The following CHSY3 variants were observed in gnomAD, a reference collection of about 807,000 sequenced individuals.
CHSY3 encodes N-acetylgalactosaminyl-proteoglycan 3-beta-glucuronosyltransferase 3.
In CHSY3, 35 loss-of-function variants were observed where a neutral mutation model predicts 67.2. The ratio of observed to expected loss-of-function variants is 0.52; its 90% CI spans 0.40 to 0.69. The LOEUF (loss-of-function observed/expected upper bound fraction) is 0.69. CHSY3 is among the 30% of genes least tolerant of loss of function. The pLI, the probability that CHSY3 is intolerant of heterozygous loss-of-function variation, is 0.00. For synonymous variants in CHSY3, 474 were observed against 434.7 expected, an observed-to-expected ratio of 1.09 and a Z score of -1.12; for missense variants, 1,069 against 1,138.5, an observed-to-expected ratio of 0.94 and a Z score of 0.88.
intron 2 of CHSY3, among the ~76,000 whole-genome samples, chr5:130,108,819 G>A (rs1767495409): frequency 6.6e-6 from 1 of 151,636 alleles, no homozygotes; most frequent in South Asian, 2.1e-4. Context: ...TTATCCACAA[G>A]TATTTTATAG....
At chr5:129,985,996 C>A (rs1763189738) in intron 2 of CHSY3, among the ~76,000 whole-genome samples, 1 of 152,032 alleles carries the variant, frequency 6.6e-6, no homozygotes, top group Non-Finnish European at 1.5e-5. Context: ...TTTGACTTCC[C>A]CTCTTCCTAT....
chr5:129,965,464 T>C (rs1762444487), intron 2 of CHSY3, among the ~76,000 whole-genome samples: 1 of 151,946 alleles, frequency 6.6e-6, no homozygotes, highest in Admixed American at 6.6e-5. Context: ...TAAATAAATA[T>C]TGTACATAGT....
intron 2 of CHSY3, among the ~76,000 whole-genome samples, chr5:130,046,139 A>G (rs573444438): frequency 1.4e-4 from 22 of 152,242 alleles, no homozygotes; most frequent in Admixed American, 1.4e-3. Context: ...CGGGGAGGCT[A>G]CTTTATTAAT....
chr5:130,097,286 G>A (rs1293547928), intron 2 of CHSY3, among the ~76,000 whole-genome samples: 1 of 152,172 alleles, frequency 6.6e-6, no homozygotes, highest in Non-Finnish European at 1.5e-5. Flanking sequence ...AATACTATTA[G>A]GCTGACCAGA....
In CHSY3 at chr5:130,086,050, T is replaced by C. The variant is rs1413462637; in HGVS notation, c.1087-98179T>C. Among the ~76,000 whole-genome samples the C allele has an allele frequency of 2.7e-4, 41 of 152,220 alleles. No homozygotes were observed. The East Asian group carries it at 7.7e-3, about 29-fold the overall frequency. ...TCCAACTATGTGGTCAATTTTGGAA[T>C]AGGTGTGGTGTGGTGCTGAAAAAAA... is the stretch of plus-strand genomic sequence containing the variant. On this transcript the variant is annotated intron_variant, in intron 2 of 2. Coordinates refer to ENST00000305031, the MANE Select transcript of CHSY3 (RefSeq NM_175856.5).
At chr5:130,140,525 A>T in intron 2 of CHSY3, 2 of 734,602 alleles carry the variant, frequency 2.7e-6, no homozygotes, top group South Asian at 4.3e-5. Context: ...GTTAGTCTCA[A>T]TGTACTTAGA....
intron 2 of CHSY3, among the ~76,000 whole-genome samples, chr5:129,920,768 A>G (rs1238029465): frequency 1.3e-5 from 2 of 152,142 alleles, no homozygotes; most frequent in Non-Finnish European, 2.9e-5. Flanking sequence ...AATTTCATGG[A>G]TAGAAGTGTC....
intron 2 of CHSY3, among the ~76,000 whole-genome samples, chr5:130,090,212 C>A (rs1468169483): frequency 1.3e-5 from 2 of 152,116 alleles, no homozygotes; most frequent in Non-Finnish European, 2.9e-5. Context: ...TGGAGAGTTA[C>A]AAGAGAGAGA....
chr5:129,930,505 TGGCG>T (rs762311992), intron 2 of CHSY3, among the ~76,000 whole-genome samples: 2 of 75,336 alleles, frequency 2.7e-5, no homozygotes, highest in African/African-American at 5.6e-5. Flanking sequence ...GAGGCATCAC[TGGCG>T]GGGGGGGGGT....
At chr5:130,171,135 C>T (rs913632804) in intron 2 of CHSY3, among the ~76,000 whole-genome samples, 1 of 152,036 alleles carries the variant, frequency 6.6e-6, no homozygotes, top group Non-Finnish European at 1.5e-5. Context: ...ATGTAAAATT[C>T]TACTTGAAAG....
chr5:130,069,493 A>G (rs1765991924), intron 2 of CHSY3, among the ~76,000 whole-genome samples: 1 of 151,954 alleles, frequency 6.6e-6, no homozygotes, highest in Non-Finnish European at 1.5e-5. Flanking sequence ...CTGTTTTAAA[A>G]TATATATATT....
chr5:129,995,517 T>C (rs1298157767), intron 2 of CHSY3, among the ~76,000 whole-genome samples: 9 of 147,796 alleles, frequency 6.1e-5, no homozygotes, highest in African/African-American at 1.3e-4. Flanking sequence ...CTTTTCTTTT[T>C]TTTTTTTCTG....
At chr5:130,155,659 A>G (rs1171541421) in intron 2 of CHSY3, among the ~76,000 whole-genome samples, 2 of 152,202 alleles carry the variant, frequency 1.3e-5, no homozygotes, top group African/African-American at 4.8e-5. Context: ...ACTCAAATAA[A>G]ATGTTTCCAG....
At chr5:129,926,067 A>T (rs1337554224) in intron 2 of CHSY3, among the ~76,000 whole-genome samples, 1 of 152,030 alleles carries the variant, frequency 6.6e-6, no homozygotes, top group African/African-American at 2.4e-5. Context: ...TATGTGATTT[A>T]CCAGCCCTTG....
intron 2 of CHSY3, among the ~76,000 whole-genome samples, chr5:130,079,698 A>G (rs558922882): frequency 1.2e-3 from 181 of 152,264 alleles, no homozygotes; most frequent in South Asian, 4.1e-3. Context: ...TTGTTCTTTT[A>G]TCTGCAACAG....
intron 2 of CHSY3, among the ~76,000 whole-genome samples, chr5:130,087,926 A>G (rs1580721067): frequency 6.6e-6 from 1 of 152,112 alleles, no homozygotes; most frequent in South Asian, 2.1e-4. Flanking sequence ...CCTAAGCCAA[A>G]AGAACAAAGC....
intron 2 of CHSY3, among the ~76,000 whole-genome samples, chr5:130,014,656 A>T (rs1764163555): frequency 6.6e-6 from 1 of 152,220 alleles, no homozygotes; most frequent in Non-Finnish European, 1.5e-5. Flanking sequence ...TCAAGATGAG[A>T]TTTGGGTTGG....
intron 2 of CHSY3, among the ~76,000 whole-genome samples, chr5:130,159,418 GC>G (rs1314741486): frequency 1.3e-5 from 2 of 152,182 alleles, no homozygotes; most frequent in Admixed American, 6.5e-5. Context: ...GCCTATTTTA[GC>G]TTCCCAAAGT....
intron 2 of CHSY3, among the ~76,000 whole-genome samples, chr5:130,103,330 T>G (rs1767308105): frequency 6.6e-6 from 1 of 152,082 alleles, no homozygotes; most frequent in Non-Finnish European, 1.5e-5. Flanking sequence ...TAATATATTA[T>G]GAAGTTATAT....
Sources: gnomAD v4.1 joint callset for allele counts (sites outside exome capture counted in the v4.1 genomes callset) on GRCh38, gnomAD v4.1.1 for gene constraint, MANE v1.5 for transcripts, NCBI Gene and HGNC (gene_info 2026-07-23, HGNC 2026-07-21) for gene names.